Variants in MALRD1 observed in about 807,000 individuals in gnomAD.
The protein encoded by MALRD1 is MAM and LDL-receptor class A domain-containing protein 1.
A neutral mutation model predicts 242.1 loss-of-function variants in MALRD1; 247 were observed. The ratio of observed to expected loss-of-function variants is 1.02; its 90% CI spans 0.92 to 1.13. The LOEUF (loss-of-function observed/expected upper bound fraction) is 1.13. Among genes scored for constraint, MALRD1 ranks in the 50% most tolerant of loss-of-function variants. The pLI is 0.00. For missense variants in MALRD1, 2,989 were observed against 2,533.1 expected (o/e 1.18, Z -3.86); for synonymous variants, 995 against 866.6 (o/e 1.15, Z -2.60).
intron 25 of MALRD1, 72 bp from the exon 26 acceptor site, chr10:19,351,934 A>C (rs1369191319): frequency 7.7e-7 from 1 of 1,292,872 alleles, no homozygotes; most frequent in Non-Finnish European, 1.1e-6. Flanking sequence ...GGGCAATGTG[A>C]TAGAATTGAA....
intron 14 of MALRD1, among the ~76,000 whole-genome samples, chr10:19,202,609 C>A (rs1048112330): frequency 6.6e-6 from 1 of 151,712 alleles, no homozygotes. Context: ...TGTTTACTTC[C>A]TAATTTATTT....
intron 28 of MALRD1, among the ~76,000 whole-genome samples, chr10:19,426,449 A>G (rs888635548): frequency 2.0e-5 from 3 of 152,192 alleles, no homozygotes; most frequent in African/African-American, 7.2e-5. Flanking sequence ...GAAAGACATC[A>G]CTAATCAGTC....
intron 18 of MALRD1, among the ~76,000 whole-genome samples, chr10:19,211,716 A>C (rs1588703800): frequency 8.6e-6 from 1 of 116,040 alleles, no homozygotes; most frequent in East Asian, 2.9e-4. Context: ...AAAAAAAAAA[A>C]AAGGTTGGGC....
intron 28 of MALRD1, among the ~76,000 whole-genome samples, chr10:19,391,949 G>A (rs977790384): frequency 1.6e-4 from 25 of 152,336 alleles, no homozygotes; most frequent in African/African-American, 4.3e-4. Flanking sequence ...CAACCCTTGC[G>A]AAGGGATGGC....
intron 31 of MALRD1, among the ~76,000 whole-genome samples, chr10:19,521,789 G>T (rs976319706): frequency 6.6e-6 from 1 of 152,014 alleles, no homozygotes; most frequent in African/African-American, 2.4e-5. Flanking sequence ...TTGCCCACTA[G>T]GTAATTGTTA....
At chr10:19,509,072 C>T (rs894653553) in intron 31 of MALRD1, among the ~76,000 whole-genome samples, 2 of 152,044 alleles carry the variant, frequency 1.3e-5, no homozygotes, top group Non-Finnish European at 1.5e-5. Flanking sequence ...ACAATTTAGC[C>T]TAATCTATTA....
intron 18 of MALRD1, 123 bp downstream of exon 18, chr10:19,209,803 A>G (rs1263166798): frequency 3.3e-6 from 3 of 923,000 alleles, no homozygotes; most frequent in Non-Finnish European, 4.7e-6. Flanking sequence ...ATTGAGACAC[A>G]TTTATCATTT....
intron 38 of MALRD1, 71 bp from the exon 39 acceptor site, chr10:19,730,635 A>G: frequency 6.9e-7 from 1 of 1,445,768 alleles, no homozygotes; most frequent in Non-Finnish European, 9.4e-7. Flanking sequence ...TTTCTAACAA[A>G]CAATAACCTG....
At chr10:19,632,395 G>A (rs1839943888) in intron 36 of MALRD1, among the ~76,000 whole-genome samples, 1 of 152,144 alleles carries the variant, frequency 6.6e-6, no homozygotes. Context: ...TAGGAAAGCA[G>A]TCCATAGATT....
chr10:19,673,998 A>G (rs1215824895), intron 36 of MALRD1, among the ~76,000 whole-genome samples: 1 of 152,138 alleles, frequency 6.6e-6, no homozygotes, highest in Admixed American at 6.6e-5. Context: ...GGGCAAGCAT[A>G]TGTCCGAAAG....
At chr10:19,222,748 C>G (rs1312318853) in intron 18 of MALRD1, among the ~76,000 whole-genome samples, 1 of 152,046 alleles carries the variant, frequency 6.6e-6, no homozygotes, top group Non-Finnish European at 1.5e-5. Context: ...CTTTTCTCTG[C>G]AAGTTTTTTT....
intron 32 of MALRD1, among the ~76,000 whole-genome samples, chr10:19,556,860 A>G (rs1176776832): frequency 6.6e-6 from 1 of 152,158 alleles, no homozygotes; most frequent in Non-Finnish European, 1.5e-5. Flanking sequence ...TGGCTATACC[A>G]GTTTGCATTC....
chr10:19,414,426 G>C (rs1833420358), intron 28 of MALRD1, among the ~76,000 whole-genome samples: 1 of 152,176 alleles, frequency 6.6e-6, no homozygotes, highest in Admixed American at 6.5e-5. Context: ...AAGATCCTAA[G>C]TTTTTTATTT....
At chr10:19,285,571 G>A (rs991767005) in intron 21 of MALRD1, among the ~76,000 whole-genome samples, 33 of 151,618 alleles carry the variant, frequency 2.2e-4, no homozygotes, top group African/African-American at 6.8e-4. Context: ...GTAGATATGC[G>A]GCGTTATTTC....
intron 36 of MALRD1, among the ~76,000 whole-genome samples, chr10:19,636,308 AC>A (rs1020783553): frequency 3.3e-5 from 5 of 152,272 alleles, no homozygotes; most frequent in Admixed American, 6.5e-5. Context: ...AACATTTACT[AC>A]CCATTGACTT....
chr10:19,522,410 G>A (rs1312404882), intron 31 of MALRD1, among the ~76,000 whole-genome samples: 1 of 152,090 alleles, frequency 6.6e-6, no homozygotes, highest in African/African-American at 2.4e-5. Context: ...GACTAAGATT[G>A]TATTTACTGT....
At chr10:19,601,232 CA>C (rs1171353455) in intron 34 of MALRD1, among the ~76,000 whole-genome samples, 1 of 151,778 alleles carries the variant, frequency 6.6e-6, no homozygotes, top group African/African-American at 2.4e-5. Flanking sequence ...GAGAATGTAC[CA>C]AAAAATAGAT....
intron 23 of MALRD1, among the ~76,000 whole-genome samples, chr10:19,328,701 A>G (rs550732932): frequency 5.3e-5 from 8 of 152,134 alleles, no homozygotes; most frequent in Non-Finnish European, 1.0e-4. Flanking sequence ...AGTAAATCCC[A>G]TGTATCTTTT....
intron 16 of MALRD1, 73 bp downstream of exon 16, chr10:19,204,486 C>A (rs2358348): frequency 3.2e-6 from 3 of 926,662 alleles, no homozygotes; most frequent in African/African-American, 1.7e-5. Flanking sequence ...AGGCATACCT[C>A]TGCACTTATT....
Sources: gnomAD v4.1 joint callset for allele counts (sites outside exome capture counted in the v4.1 genomes callset) on GRCh38, gnomAD v4.1.1 for gene constraint, MANE v1.5 for transcripts, NCBI Gene and HGNC (gene_info 2026-07-23, HGNC 2026-07-21) for gene names.